C10orf67: variants seen among roughly 807,000 people sequenced by gnomAD.
C10orf67 encodes uncharacterized protein C10orf67, mitochondrial.
A neutral mutation model predicts 35.6 loss-of-function variants in C10orf67; 60 were observed. The observed-to-expected ratio is 1.68, with a 90% CI of 1.37 to 2.09. The LOEUF (loss-of-function observed/expected upper bound fraction) is 2.09. Ranked by LOEUF, C10orf67 falls within the 30% of genes most tolerant of loss-of-function variation. C10orf67 has a pLI of 0.00. For missense variants in C10orf67, 474 were observed against 330.2 expected, an observed-to-expected ratio of 1.44 and a Z score of -3.38; for synonymous variants, 167 against 115.8, an observed-to-expected ratio of 1.44 and a Z score of -2.84.
At chr10:23,296,545 A>G (rs558259166) in intron 5 of C10orf67, among the ~76,000 whole-genome samples, 1 of 152,304 alleles carries the variant, frequency 6.6e-6, no homozygotes, top group South Asian at 2.1e-4. Flanking sequence ...TCTCAACAGG[A>G]AAACCCAAGT....
At chr10:23,242,740 A>G (rs1842215988) in intron 12 of C10orf67, among the ~76,000 whole-genome samples, 1 of 142,096 alleles carries the variant, frequency 7.0e-6, no homozygotes, top group South Asian at 2.1e-4. Context: ...GAGAAATTTC[A>G]AAAAAAGAAA....
intron 7 of C10orf67, 35 bp from the exon 8 acceptor site, chr10:23,282,113 A>T: frequency 2.0e-6 from 1 of 508,740 alleles, no homozygotes; most frequent in Non-Finnish European, 3.5e-6. Flanking sequence ...TTTATTAAAG[A>T]TAAGAACAGA....
chr10:23,330,245 G>T (rs1845395442), intron 2 of C10orf67, among the ~76,000 whole-genome samples: 1 of 151,700 alleles, frequency 6.6e-6, no homozygotes, highest in African/African-American at 2.4e-5. Context: ...ATCACTCGAG[G>T]CCAGGGATTT....
At chr10:23,318,844 C>T (rs1844835999) in intron 4 of C10orf67, 1 of 765,112 alleles carries the variant, frequency 1.3e-6, no homozygotes, top group Admixed American at 1.8e-5. Context: ...TTACCAAGGA[C>T]CCCTCTGCTT....
intron 15 of C10orf67, among the ~76,000 whole-genome samples, 175 bp from the exon 16 acceptor site, chr10:23,204,430 G>T (rs540152394): frequency 2.6e-5 from 4 of 152,282 alleles, no homozygotes; most frequent in Middle Eastern, 6.8e-3. Flanking sequence ...AAGGAGGTAG[G>T]GCAGGCAGGC....
chr10:23,208,899 C>G (rs1400385008), intron 15 of C10orf67, among the ~76,000 whole-genome samples: 1 of 152,118 alleles, frequency 6.6e-6, no homozygotes, highest in Non-Finnish European at 1.5e-5. Flanking sequence ...GCAAGCTTGG[C>G]TTAGCCTACT....
chr10:23,331,622 G>A (rs1018721794), intron 2 of C10orf67, among the ~76,000 whole-genome samples: 2 of 140,878 alleles, frequency 1.4e-5, no homozygotes, highest in Admixed American at 1.4e-4. Context: ...AACCGGGAGG[G>A]GAGGGGAGGG....
At chr10:23,323,281 A>T (rs1252056198) in intron 2 of C10orf67, among the ~76,000 whole-genome samples, 1 of 152,158 alleles carries the variant, frequency 6.6e-6, no homozygotes, top group African/African-American at 2.4e-5. Flanking sequence ...TTGACTAAGA[A>T]CCATTTGTAA....
At chr10:23,255,794 C>T (rs558041032) in intron 10 of C10orf67, among the ~76,000 whole-genome samples, 1 of 152,154 alleles carries the variant, frequency 6.6e-6, no homozygotes, top group South Asian at 2.1e-4. Context: ...GAAATACATA[C>T]AGCACATATA....
chr10:23,220,836 T>G (rs1841556852), intron 15 of C10orf67, among the ~76,000 whole-genome samples: 1 of 152,202 alleles, frequency 6.6e-6, no homozygotes, highest in Non-Finnish European at 1.5e-5. Context: ...CAAAGTATTT[T>G]GTGGTGTGAA....
intron 2 of C10orf67, among the ~76,000 whole-genome samples, chr10:23,325,625 A>G (rs1012865544): frequency 1.3e-5 from 2 of 151,570 alleles, no homozygotes; most frequent in African/African-American, 4.8e-5. Context: ...ATCAGAACCC[A>G]GAAGATAACA....
chr10:23,255,642 G>C (rs1842579338), intron 10 of C10orf67, among the ~76,000 whole-genome samples: 1 of 152,050 alleles, frequency 6.6e-6, no homozygotes, highest in Non-Finnish European at 1.5e-5. Context: ...CTTGTGACAA[G>C]GTCACTTCAG....
chr10:23,306,114 G>A (rs1299438717), intron 4 of C10orf67, among the ~76,000 whole-genome samples: 1 of 152,080 alleles, frequency 6.6e-6, no homozygotes, highest in African/African-American at 2.4e-5. Context: ...GGGACAAGAT[G>A]GATGAACCTG....
chr10:23,320,672 C>T, intron 4 of C10orf67, 69 bp downstream of exon 4: 2 of 1,219,036 alleles, frequency 1.6e-6, no homozygotes, highest in South Asian at 2.7e-5. Context: ...CAAGGTGATC[C>T]CCACTCCTTG....
At chr10:23,305,127 G>A (rs757335111) in intron 4 of C10orf67, among the ~76,000 whole-genome samples, 12 of 152,072 alleles carry the variant, frequency 7.9e-5, no homozygotes, top group Admixed American at 2.0e-4. Context: ...CGAACATAAG[G>A]CTATATAGTT....
At chr10:23,284,727 A>G (rs1344046482) in intron 7 of C10orf67, among the ~76,000 whole-genome samples, 1 of 151,912 alleles carries the variant, frequency 6.6e-6, no homozygotes, top group African/African-American at 2.4e-5. Context: ...AAACAAAAAA[A>G]CCTAAAAAAT....
intron 15 of C10orf67, among the ~76,000 whole-genome samples, chr10:23,209,949 G>GAGATTGC (rs1841261352): frequency 1.4e-5 from 2 of 142,642 alleles, no homozygotes; most frequent in African/African-American, 2.7e-5. Context: ...GCAGTGAGCC[G>GAGATTGC]AGATTGCACC....
chr10:23,228,385 A>T (rs1353123457), intron 13 of C10orf67, among the ~76,000 whole-genome samples: 1 of 152,208 alleles, frequency 6.6e-6, no homozygotes, highest in Non-Finnish European at 1.5e-5. Context: ...CTGGCTAGCC[A>T]TATATAGAAA....
chr10:23,243,053 C>G (rs1842223585), intron 12 of C10orf67, among the ~76,000 whole-genome samples: 1 of 152,142 alleles, frequency 6.6e-6, no homozygotes, highest in African/African-American at 2.4e-5. Context: ...ACACCATGCA[C>G]TCTTAACCAA....
Sources: allele counts gnomAD v4.1 joint callset (sites outside exome capture counted in the v4.1 genomes callset), GRCh38; gene constraint gnomAD v4.1.1; transcripts MANE v1.5; gene names NCBI Gene and HGNC (gene_info 2026-07-23, HGNC 2026-07-21).